Variants in DPYD observed in about 807,000 individuals in gnomAD.
DPYD encodes the protein dihydropyrimidine dehydrogenase, also known as dihydropyrimidine dehydrogenase [NADP(+)].
In DPYD, 109 loss-of-function variants were observed where a neutral mutation model predicts 116.2. The ratio of observed to expected loss-of-function variants is 0.94; its 90% CI spans 0.80 to 1.10. DPYD has a LOEUF of 1.10. DPYD is among the 50% of genes least tolerant of loss of function. The pLI is 0.00. For missense variants in DPYD, 1,302 were observed against 1,254.5 expected (o/e 1.04, Z -0.57); for synonymous variants, 440 against 432.0 (o/e 1.02, Z -0.23).
intron 5 of DPYD, among the ~76,000 whole-genome samples, chr1:97,703,532 G>T (rs1394675739): frequency 6.6e-6 from 1 of 151,934 alleles, no homozygotes; most frequent in African/African-American, 2.4e-5. Flanking sequence ...CAAATTCCAT[G>T]AGACAGAATG....
intron 16 of DPYD, among the ~76,000 whole-genome samples, chr1:97,338,187 T>C (rs1342788921): frequency 6.6e-6 from 1 of 152,138 alleles, no homozygotes; most frequent in Admixed American, 6.6e-5. Flanking sequence ...TTAGATTCAT[T>C]AGAGATAATC....
chr1:97,197,342 T>G (rs946067461), intron 19 of DPYD, among the ~76,000 whole-genome samples: 7 of 152,332 alleles, frequency 4.6e-5, no homozygotes, highest in Non-Finnish European at 7.3e-5. Context: ...TTGCTCACTC[T>G]GAGATTCTAT....
intron 3 of DPYD, among the ~76,000 whole-genome samples, chr1:97,823,244 TCCC>T (rs1325415791): frequency 9.2e-5 from 14 of 152,124 alleles, no homozygotes; most frequent in African/African-American, 3.4e-4. Flanking sequence ...AAGCTCCACC[TCCC>T]CGGTTCATGC....
chr1:97,351,225 A>G (rs914177247), intron 16 of DPYD, among the ~76,000 whole-genome samples: 1 of 152,126 alleles, frequency 6.6e-6, no homozygotes, highest in African/African-American at 2.4e-5. Context: ...TGAAATATGT[A>G]AGATCTAACA....
At chr1:97,514,686 C>A (rs1048143805) in intron 13 of DPYD, among the ~76,000 whole-genome samples, 1 of 151,596 alleles carries the variant, frequency 6.6e-6, no homozygotes, top group African/African-American at 2.4e-5. Context: ...TATAAAAAAT[C>A]TTTACGAAGG....
chr1:97,645,194 GAC>G (rs1409897921), intron 8 of DPYD, among the ~76,000 whole-genome samples: 1 of 152,002 alleles, frequency 6.6e-6, no homozygotes, highest in Non-Finnish European at 1.5e-5. Flanking sequence ...TAAGCTTTTA[GAC>G]ACATTGTTTC....
At chr1:97,269,308 T>A (rs2100884383) in intron 18 of DPYD, among the ~76,000 whole-genome samples, 1 of 152,310 alleles carries the variant, frequency 6.6e-6, no homozygotes, top group Non-Finnish European at 1.5e-5. Context: ...ATTTAGGCTC[T>A]CCCTGTAGCT....
chr1:97,595,575 AAATCAT>A (rs1465512786), intron 8 of DPYD, among the ~76,000 whole-genome samples: 1 of 151,898 alleles, frequency 6.6e-6, no homozygotes, highest in Non-Finnish European at 1.5e-5. Context: ...TGAATAAGTA[AAATCAT>A]TTCTTTTTTA....
chr1:97,866,197 A>G (rs1671368469), intron 2 of DPYD, among the ~76,000 whole-genome samples: 1 of 151,966 alleles, frequency 6.6e-6, no homozygotes, highest in Non-Finnish European at 1.5e-5. Context: ...CCACCTTGCC[A>G]TAGACTTTGA....
chr1:97,371,057 T>C (rs949961182), intron 16 of DPYD, among the ~76,000 whole-genome samples: 25 of 152,178 alleles, frequency 1.6e-4, no homozygotes, highest in African/African-American at 6.0e-4. Context: ...TATATAGATG[T>C]GTATATATAA....
At chr1:97,860,111 G>C (rs187234099) in intron 2 of DPYD, among the ~76,000 whole-genome samples, 8 of 152,250 alleles carry the variant, frequency 5.3e-5, no homozygotes, top group Non-Finnish European at 1.0e-4. Flanking sequence ...GGGAGGCCAA[G>C]GCAGGCCGAT....
chr1:97,084,643 T>C (rs908384555), intron 21 of DPYD, among the ~76,000 whole-genome samples: 37 of 152,186 alleles, frequency 2.4e-4, no homozygotes, highest in Non-Finnish European at 1.8e-4. Context: ...GTTGATGATG[T>C]GACTGAGATT....
chr1:97,476,249 G>C (rs900371308), intron 13 of DPYD, among the ~76,000 whole-genome samples: 17 of 152,150 alleles, frequency 1.1e-4, no homozygotes, highest in Non-Finnish European at 2.4e-4. Context: ...TAAACTTGAT[G>C]CTACATTTCT....
intron 20 of DPYD, among the ~76,000 whole-genome samples, chr1:97,156,593 C>T (rs544785184): frequency 1.6e-4 from 24 of 152,228 alleles, no homozygotes; most frequent in Admixed American, 8.5e-4. Flanking sequence ...GTTAGAATGG[C>T]AATCATTAAA....
chr1:97,478,832 GATC>G (rs1439500356), intron 13 of DPYD, among the ~76,000 whole-genome samples: 1 of 152,170 alleles, frequency 6.6e-6, no homozygotes, highest in Non-Finnish European at 1.5e-5. Flanking sequence ...CTCTTAGCTG[GATC>G]GGGATAGCTC....
intron 11 of DPYD, among the ~76,000 whole-genome samples, chr1:97,559,127 G>C (rs917233272): frequency 2.0e-5 from 3 of 152,020 alleles, no homozygotes; most frequent in African/African-American, 7.2e-5. Context: ...TTATGAGATA[G>C]TGAAAAAATA....
intron 14 of DPYD, among the ~76,000 whole-genome samples, chr1:97,403,808 C>T (rs186829385): frequency 4.6e-5 from 7 of 151,240 alleles, no homozygotes; most frequent in Admixed American, 1.3e-4. Context: ...TTTGCTAATT[C>T]TTATTATTCA....
intron 19 of DPYD, among the ~76,000 whole-genome samples, chr1:97,206,657 TATATATATATATA>T (rs1215638052): frequency 1.2e-5 from 1 of 83,228 alleles, no homozygotes; most frequent in Admixed American, 1.2e-4. Context: ...TATATATATA[TATATATATATATA>T]TATATATATA....
At chr1:97,257,664 T>C (rs1663592121) in intron 18 of DPYD, among the ~76,000 whole-genome samples, 1 of 151,986 alleles carries the variant, frequency 6.6e-6, no homozygotes, top group Non-Finnish European at 1.5e-5. Flanking sequence ...GAAAAAATTC[T>C]AAATTTAAAA....
Sources: allele counts gnomAD v4.1 joint callset (sites outside exome capture counted in the v4.1 genomes callset), GRCh38; gene constraint gnomAD v4.1.1; transcripts MANE v1.5; gene names NCBI Gene and HGNC (gene_info 2026-07-23, HGNC 2026-07-21).